CNTNAP2: variants seen among roughly 807,000 people sequenced by gnomAD.
The protein encoded by CNTNAP2 is contactin associated protein 2, also known as contactin-associated protein-like 2.
Under a neutral mutation model 155.2 loss-of-function variants are expected in CNTNAP2, and 98 were observed. The observed-to-expected ratio is 0.63, with a 90% confidence interval of 0.54 to 0.75. The LOEUF (loss-of-function observed/expected upper bound fraction) is 0.75, where lower values mean the gene tolerates loss of function less well. CNTNAP2 is among the 30% of genes least tolerant of loss of function. The pLI, the probability that CNTNAP2 is intolerant of heterozygous loss-of-function variation, is 0.00. For synonymous variants in CNTNAP2, 651 were observed against 631.2 expected, an observed-to-expected ratio of 1.03 and a Z score of -0.47; for missense variants, 1,727 against 1,688.1, an observed-to-expected ratio of 1.02 and a Z score of -0.40.
intron 14 of CNTNAP2, among the ~76,000 whole-genome samples, chr7:147,928,916 C>T (rs1406165552): frequency 6.6e-6 from 1 of 151,684 alleles, no homozygotes; most frequent in Non-Finnish European, 1.5e-5. Flanking sequence ...CATGGAGAAA[C>T]CCCGTCTCTA....
At chr7:147,537,293 A>AC (rs56863477) in intron 11 of CNTNAP2, among the ~76,000 whole-genome samples, 1 of 152,150 alleles carries the variant, frequency 6.6e-6, no homozygotes, top group Non-Finnish European at 1.5e-5. Flanking sequence ...TATTTTGATT[A>AC]TTAAGCATTC....
chr7:147,412,989 A>T lies in CNTNAP2; in HGVS notation c.1670+17209A>T, dbSNP rs745618872. 5.9e-5 allele frequency among the ~76,000 whole-genome samples: 9 copies of T among 152,196 alleles called. No homozygotes were observed. In the South Asian group the frequency reaches 1.2e-3, roughly 21 times the overall value. On this transcript the variant is annotated intron_variant, in intron 10 of 23. Transcript: ENST00000361727. Reference sequence around the variant, plus strand: ...GGTTAAGTGTACACATTCCAGAGACACTGTCATCACATTTTGCCTGTTAGA... The same window carrying T: ...GGTTAAGTGTACACATTCCAGAGACTCTGTCATCACATTTTGCCTGTTAGA...
At chr7:147,311,913 G>A (rs899029817) in intron 9 of CNTNAP2, among the ~76,000 whole-genome samples, 1 of 151,906 alleles carries the variant, frequency 6.6e-6, no homozygotes, top group Non-Finnish European at 1.5e-5. Context: ...TTGTCTGCTT[G>A]CCTGTTTTGT....
chr7:147,194,849 A>C (rs1434610327), intron 8 of CNTNAP2, among the ~76,000 whole-genome samples: 4 of 151,890 alleles, frequency 2.6e-5, no homozygotes, highest in Non-Finnish European at 5.9e-5. Flanking sequence ...GATTGCAAAA[A>C]TTTTCTCCCG....
intron 1 of CNTNAP2, among the ~76,000 whole-genome samples, chr7:146,168,142 G>A (rs1488418876): frequency 6.6e-6 from 1 of 152,108 alleles, no homozygotes; most frequent in African/African-American, 2.4e-5. Context: ...TTGAGGGTGG[G>A]TCTGCCTATT....
intron 3 of CNTNAP2, among the ~76,000 whole-genome samples, chr7:146,933,988 G>T (rs572130096): frequency 0.2 from 30,247 of 151,784 alleles, 4,067 homozygotes; most frequent in Non-Finnish European, 0.28. Context: ...TTTACACTGT[G>T]GGTGGGAGTG....
At chr7:147,378,475 A>T (rs140234400) in intron 9 of CNTNAP2, among the ~76,000 whole-genome samples, 210 of 152,174 alleles carry the variant, frequency 1.4e-3, no homozygotes, top group African/African-American at 4.4e-3. Flanking sequence ...GAACTGAAGG[A>T]CATTATGTTA....
chr7:148,208,924 C>A (rs574945691), intron 18 of CNTNAP2, among the ~76,000 whole-genome samples: 12 of 152,260 alleles, frequency 7.9e-5, no homozygotes, highest in African/African-American at 2.4e-4. Context: ...ATTTCCCTGT[C>A]CCAGTTTGAA....
intron 1 of CNTNAP2, among the ~76,000 whole-genome samples, chr7:146,732,633 G>T (rs1801545630): frequency 6.6e-6 from 1 of 151,974 alleles, no homozygotes; most frequent in Non-Finnish European, 1.5e-5. Flanking sequence ...ACACTGATTT[G>T]GCCATCATAC....
chr7:146,379,776 C>T (rs1474428803), intron 1 of CNTNAP2, among the ~76,000 whole-genome samples: 1 of 152,016 alleles, frequency 6.6e-6, no homozygotes, highest in East Asian at 1.9e-4. Context: ...TTTCTATAGG[C>T]ATGTGGGACG....
chr7:147,246,842 A>G (rs1804080614), intron 8 of CNTNAP2, among the ~76,000 whole-genome samples: 2 of 152,248 alleles, frequency 1.3e-5, no homozygotes, highest in South Asian at 4.1e-4. Context: ...CTGTTTCTGT[A>G]TAGTGACACT....
At chr7:148,086,871 GT>G (rs988223816) in intron 15 of CNTNAP2, among the ~76,000 whole-genome samples, 1 of 150,976 alleles carries the variant, frequency 6.6e-6, no homozygotes, top group African/African-American at 2.4e-5. Context: ...ATATCAAATT[GT>G]TTTTTTTTAT....
chr7:146,519,381 G>A (rs1797585336), intron 1 of CNTNAP2, among the ~76,000 whole-genome samples: 1 of 151,788 alleles, frequency 6.6e-6, no homozygotes, highest in African/African-American at 2.4e-5. Flanking sequence ...GTCTTCAAGA[G>A]TTTTTCAACT....
At chr7:147,290,679 T>G (rs866584714) in intron 8 of CNTNAP2, among the ~76,000 whole-genome samples, 22 of 92,974 alleles carry the variant, frequency 2.4e-4, no homozygotes, top group Middle Eastern at 0.018. Flanking sequence ...TGAGACTCCA[T>G]CTCCAAAAAA....
chr7:148,371,207 A>G (rs1413693503), intron 21 of CNTNAP2, among the ~76,000 whole-genome samples: 1 of 152,126 alleles, frequency 6.6e-6, no homozygotes, highest in Non-Finnish European at 1.5e-5. Flanking sequence ...CAAAACTGGA[A>G]AAAAAAATCC....
chr7:148,062,028 A>AGAGAGAGAGAGTGT lies in CNTNAP2; in HGVS notation c.2384-56089_2384-56088insAGAGAGAGAGTGTG, dbSNP rs1388530831. Among the ~76,000 whole-genome samples the AGAGAGAGAGAGTGT allele has an allele frequency of 7.4e-4, 78 of 105,994 alleles. 2 individuals carry two copies. The highest frequency in any genetic ancestry group is 2.5e-3 in the East Asian group (9 of 3,660). 69.5% of individuals were successfully genotyped at this position (105,994 alleles called of 152,430 possible). On this transcript the variant is annotated intron_variant, in intron 15 of 23. Transcript: ENST00000361727. The stretch of plus-strand genomic sequence containing the variant: ...ATAGATGATAGAGAGAGAGAGAGAG[A>AGAGAGAGAGAGTGT]GTGTGTGTGTGTGTGTGTGTGTGTG...
At chr7:147,159,516 C>T (rs1042904466) in intron 8 of CNTNAP2, among the ~76,000 whole-genome samples, 3 of 152,118 alleles carry the variant, frequency 2.0e-5, no homozygotes, top group Admixed American at 6.5e-5. Context: ...CTTTTTAAAA[C>T]ATATAACCAA....
chr7:146,339,868 T>A (rs2129096294), intron 1 of CNTNAP2, among the ~76,000 whole-genome samples: 1 of 152,126 alleles, frequency 6.6e-6, no homozygotes, highest in African/African-American at 2.4e-5. Context: ...ATAATGTTAT[T>A]AAATACATAA....
At chr7:146,642,544 C>A (rs13240881) in intron 1 of CNTNAP2, among the ~76,000 whole-genome samples, 106,456 of 150,530 alleles carry the variant, frequency 0.71, 38,228 homozygotes, top group South Asian at 0.84. Context: ...ACATTTTCTT[C>A]ATCCAGTCTA....
Sources: gnomAD v4.1 joint callset for allele counts (sites outside exome capture counted in the v4.1 genomes callset) on GRCh38, gnomAD v4.1.1 for gene constraint, MANE v1.5 for transcripts, NCBI Gene and HGNC (gene_info 2026-07-23, HGNC 2026-07-21) for gene names.